Variants in GTF2IRD2B observed in about 807,000 individuals in gnomAD.
The protein encoded by GTF2IRD2B is GTF2I repeat domain containing 2B.
GTF2IRD2B carries 10 observed loss-of-function variants against 55.6 expected under a neutral mutation model. That is an observed-to-expected ratio of 0.18 (90% CI 0.11 to 0.31). The LOEUF (loss-of-function observed/expected upper bound fraction) is 0.31. GTF2IRD2B is among the 10% of genes least tolerant of loss of function. GTF2IRD2B has a pLI of 1.00. For missense variants in GTF2IRD2B, 206 were observed against 802.7 expected (o/e 0.26, Z 8.98); for synonymous variants, 107 against 320.5 (o/e 0.33, Z 7.12).
At chr7:75,137,222 TGTG>T (rs1477030294) in intron 11 of GTF2IRD2B, among the ~76,000 whole-genome samples, 4 of 149,984 alleles carry the variant, frequency 2.7e-5, no homozygotes, top group African/African-American at 4.9e-5. Flanking sequence ...AAAAAAAAAT[TGTG>T]GGGAAGAGAT....
chr7:75,126,921 C>T (rs1421426364), intron 8 of GTF2IRD2B, among the ~76,000 whole-genome samples: 4 of 148,018 alleles, frequency 2.7e-5, no homozygotes, highest in African/African-American at 4.9e-5. Context: ...TGCTTGAGCC[C>T]GGGAGGTGGA....
At chr7:75,115,669 G>A (rs1424017283) in intron 3 of GTF2IRD2B, among the ~76,000 whole-genome samples, 4 of 144,512 alleles carry the variant, frequency 2.8e-5, no homozygotes, top group African/African-American at 5.1e-5. Flanking sequence ...TCCTGACCTC[G>A]TGATCCACCC....
At position 75,122,786 on chromosome 7, in the gene GTF2IRD2B, G is replaced by A. The variant is rs1194396113; in HGVS notation, c.359-350G>A. On this transcript the variant is annotated intron_variant, in intron 4 of 15. Coordinates refer to ENST00000472837, the MANE Select transcript of GTF2IRD2B (RefSeq NM_001003795.3). ...AAAACTAGGCTGGGCTCAGTGGCTC[G>A]CCTGTTATCCTAGCACTTTGGCAGG... 7.5e-4 allele frequency among the ~76,000 whole-genome samples: 111 copies of A among 147,966 alleles called. 1 individual carries two copies. The highest frequency in any genetic ancestry group is 1.4e-3 in the Non-Finnish European group (93 of 66,624).
intron 1 of GTF2IRD2B, among the ~76,000 whole-genome samples, chr7:75,105,582 T>C (rs1807768436): frequency 6.6e-6 from 1 of 152,424 alleles, no homozygotes; most frequent in South Asian, 2.1e-4. Context: ...ATAATAGAGA[T>C]ATAGAGATTT....
chr7:75,111,157 T>TATAGG (rs1370860875), intron 2 of GTF2IRD2B, among the ~76,000 whole-genome samples: 1 of 107,282 alleles, frequency 9.3e-6, no homozygotes, highest in Non-Finnish European at 2.0e-5. Flanking sequence ...GACACATGCC[T>TATAGG]ATAGTCCCAG....
At chr7:75,115,434 T>TG (rs1158531169) in intron 3 of GTF2IRD2B, among the ~76,000 whole-genome samples, 1 of 143,414 alleles carries the variant, frequency 7.0e-6, no homozygotes, top group South Asian at 2.2e-4. Context: ...TTTTATTTTT[T>TG]TTTTTTTGAG....
At chr7:75,101,416 T>C (rs1807549589) in intron 1 of GTF2IRD2B, among the ~76,000 whole-genome samples, 1 of 149,862 alleles carries the variant, frequency 6.7e-6, no homozygotes, top group African/African-American at 2.4e-5. Flanking sequence ...AAATAGAAAA[T>C]TAGCTGAGTG....
chr7:75,132,550 T>C (rs1481701840), intron 8 of GTF2IRD2B, among the ~76,000 whole-genome samples: 33 of 88,934 alleles, frequency 3.7e-4, no homozygotes, highest in African/African-American at 1.5e-3. Context: ...CCTTCCTTCT[T>C]TTTTTTTTTT....
chr7:75,096,387 T>C (rs1452414986), intron 1 of GTF2IRD2B, among the ~76,000 whole-genome samples: 1 of 19,390 alleles, frequency 5.2e-5, no homozygotes, highest in East Asian at 6.4e-4. Context: ...TCCTGAGTAG[T>C]TGGGATTACA....
chr7:75,104,168 C>T (rs1332433486), intron 1 of GTF2IRD2B, among the ~76,000 whole-genome samples: 11 of 136,970 alleles, frequency 8.0e-5, no homozygotes, highest in Non-Finnish European at 1.4e-4. Context: ...TGTTGCCCCA[C>T]CTGGAGGGCA....
chr7:75,116,433 G>A (rs1331133472), intron 3 of GTF2IRD2B, among the ~76,000 whole-genome samples: 1 of 152,366 alleles, frequency 6.6e-6, no homozygotes, highest in East Asian at 1.9e-4. Flanking sequence ...CAACTTTGCT[G>A]AATATGTTGG....
In GTF2IRD2B at chr7:75,105,385, T is replaced by G. The variant is rs1160915396; in HGVS notation, c.-5-3575T>G. ...TGGGTGTGGTGGCTCACGCCTGCAA[T>G]CCCAACTACTCGGGGGGTTGAGGCA... On this transcript the variant is annotated intron_variant, in intron 1 of 15. Coordinates refer to ENST00000472837, the MANE Select transcript of GTF2IRD2B (RefSeq NM_001003795.3). Among the ~76,000 whole-genome samples, 44 of 152,396 alleles carry G rather than the reference T, an allele frequency of 2.9e-4. 1 individual carries two copies. The South Asian group carries it at 8.7e-3, about 30-fold the overall frequency.
intron 1 of GTF2IRD2B, among the ~76,000 whole-genome samples, chr7:75,102,785 CCA>C: frequency 6.6e-6 from 1 of 151,734 alleles, no homozygotes; most frequent in East Asian, 1.9e-4. Context: ...TGATGAAACC[CCA>C]TCTCTACTAA....
intron 1 of GTF2IRD2B, among the ~76,000 whole-genome samples, chr7:75,105,778 A>G (rs1193795616): frequency 2.0e-5 from 3 of 152,424 alleles, no homozygotes; most frequent in African/African-American, 7.2e-5. Flanking sequence ...TGGGTTGCAA[A>G]CGACACCAGA....
In GTF2IRD2B at chr7:75,148,226, C is replaced by CGA; in HGVS notation, c.1782_1783dup (p.Ile595ArgfsTer10). 1 of 1,613,856 alleles carries CGA rather than the reference C, an allele frequency of 6.2e-7. No homozygotes were observed. The highest frequency in any genetic ancestry group is 1.1e-5 in the South Asian group (1 of 91,072). ...CCATGACGGGTACAAAATCTGGCAA[C>CGA]GAGATCTTTTTGCGTGTTGAGAAGA... On this transcript the variant is annotated frameshift_variant, in exon 16 of 16. Coordinates refer to ENST00000472837, the MANE Select transcript of GTF2IRD2B (RefSeq NM_001003795.3). LOFTEE classifies it high-confidence loss of function.
At chr7:75,121,843 C>T (rs1213230586) in intron 4 of GTF2IRD2B, among the ~76,000 whole-genome samples, 1,678 of 124,202 alleles carry the variant, frequency 0.014, no homozygotes, top group Middle Eastern at 0.06. Flanking sequence ...TCACTGCAAG[C>T]TCCGCCTCTC....
intron 1 of GTF2IRD2B, among the ~76,000 whole-genome samples, chr7:75,097,328 A>AGT (rs1807412365): frequency 1.2e-5 from 1 of 80,548 alleles, no homozygotes; most frequent in Non-Finnish European, 2.4e-5. Context: ...AAAAAAAAAA[A>AGT]AAAAAGTCAA....
At chr7:75,119,191 CAAAAAA>C (rs71229657) in intron 3 of GTF2IRD2B, among the ~76,000 whole-genome samples, 11 of 5,104 alleles carry the variant, frequency 2.2e-3, no homozygotes, top group Admixed American at 5.7e-3. Context: ...AAGACTCTCT[CAAAAAA>C]AAAAAAAAAA....
At chr7:75,139,540 T>A (rs1281537999) in intron 12 of GTF2IRD2B, among the ~76,000 whole-genome samples, 1 of 110,932 alleles carries the variant, frequency 9.0e-6, no homozygotes, top group African/African-American at 4.3e-5. Context: ...AGGCTGAGGC[T>A]GAAGAATGGC....
Sources: gnomAD v4.1 joint callset for allele counts (sites outside exome capture counted in the v4.1 genomes callset) on GRCh38, gnomAD v4.1.1 for gene constraint, MANE v1.5 for transcripts, NCBI Gene and HGNC (gene_info 2026-07-23, HGNC 2026-07-21) for gene names.